Variants in PHLPP1 observed in about 807,000 individuals in gnomAD.
PHLPP1 encodes the protein PH domain leucine-rich repeat-containing protein phosphatase 1.
In PHLPP1, 42 loss-of-function variants were observed where a neutral mutation model predicts 117.2. The ratio of observed to expected loss-of-function variants is 0.36; its 90% confidence interval spans 0.28 to 0.46. The LOEUF (loss-of-function observed/expected upper bound fraction) is 0.46, where lower values mean the gene tolerates loss of function less well. Ranked by LOEUF, PHLPP1 falls within the 20% of genes least tolerant of loss-of-function variation. The pLI is 1.00. For missense variants in PHLPP1, 2,084 were observed against 2,241.9 expected (o/e 0.93, Z 1.42); for synonymous variants, 1,042 against 970.7 (o/e 1.07, Z -1.37).
intron 1 of PHLPP1, among the ~76,000 whole-genome samples, chr18:62,739,900 A>G (rs1334916687): frequency 6.6e-6 from 1 of 152,192 alleles, no homozygotes; most frequent in Non-Finnish European, 1.5e-5. Flanking sequence ...CCAAGTAATC[A>G]TAGTGTATAC....
chr18:62,730,059 G>C (rs1911185383), intron 1 of PHLPP1, among the ~76,000 whole-genome samples: 1 of 152,242 alleles, frequency 6.6e-6, no homozygotes, highest in South Asian at 2.1e-4. Context: ...CAGTGAGCAA[G>C]AGAGAGGCAG....
rs942513416 is a variant in PHLPP1, at chr18:62,952,751, T to C, written c.3325-5878T>C. Among the ~76,000 whole-genome samples, 8 of 152,202 alleles carry C rather than the reference T, an allele frequency of 5.3e-5. No individual in the cohort carries two copies. The East Asian group carries it at 1.5e-3, about 29-fold the overall frequency. ...ACAGGAAGCTCCCACCTCGGCTTCC[T>C]GAGTAGCTGAGACTCCAGGTGCTCA... On this transcript the variant is annotated intron_variant, in intron 12 of 16. Transcript: ENST00000262719.
At chr18:62,975,694 C>G (rs760648772) in intron 16 of PHLPP1, 69 bp downstream of exon 16, 14 of 1,004,934 alleles carry the variant, frequency 1.4e-5, no homozygotes, top group Non-Finnish European at 2.0e-5. Context: ...ATAGCAGAAA[C>G]TAGCTAGGGA....
chr18:62,870,409 C>T (rs549811187), intron 4 of PHLPP1, among the ~76,000 whole-genome samples: 5 of 152,226 alleles, frequency 3.3e-5, no homozygotes, highest in East Asian at 1.9e-4. Context: ...AAAGCATTAA[C>T]GTGGTTTTTA....
chr18:62,826,617 C>A (rs938257995), intron 1 of PHLPP1, among the ~76,000 whole-genome samples: 1 of 152,094 alleles, frequency 6.6e-6, no homozygotes, highest in African/African-American at 2.4e-5. Context: ...ATTAGATGCT[C>A]TTTTTTGCCC....
chr18:62,978,665 G>A lies in PHLPP1; in HGVS notation c.4388G>A (p.Gly1463Glu). Residue 1463 changes from glycine to glutamate, a missense_variant, in exon 17 of 17, where the codon GGG (glycine) becomes GAG (glutamate). Physicochemically the swap from Gly to Glu is moderately conservative, Grantham distance 98. Transcript: ENST00000262719. This position sits in a 1 kb window ranked among gnomAD's most constrained non-coding sequence, Gnocchi z 7.0. ...GTGATCAAGGATCGGCCCTCAGATG[G>A]GCTGGGCGTGCCGTCCTCCAGCAGC... Reference protein sequence around the residue: ...NMVIKDRPSDGLGVPSSSSGM... With the variant: ...NMVIKDRPSDELGVPSSSSGM... 2 of 1,613,852 alleles carry A rather than the reference G, an allele frequency of 1.2e-6. No individual in the cohort carries two copies. Among genetic ancestry groups the A allele is most frequent in the Non-Finnish European group, 8.5e-7 (1 of 1,179,858 alleles).
chr18:62,977,057 CCA>C, intron 16 of PHLPP1, among the ~76,000 whole-genome samples: 1 of 152,166 alleles, frequency 6.6e-6, no homozygotes, highest in African/African-American at 2.4e-5. Flanking sequence ...CTGCCAAATT[CCA>C]TGCTTTGGGG....
rs187726123 is a variant in PHLPP1 at position 62,889,898 on chromosome 18, A to C, written c.2067-5113A>C. Among the ~76,000 whole-genome samples, 143 of 152,320 alleles carry C rather than the reference A, an allele frequency of 9.4e-4. 1 individual carries two copies. Among genetic ancestry groups the C allele is most frequent in the Middle Eastern group, 6.8e-3 (2 of 294 alleles). ...TTCTTTTTTGTACTCAGTCTTTGAA[A>C]TCTACTCTATATTTTGTATTTCAAG... On this transcript the variant is annotated intron_variant, in intron 4 of 16. Coordinates refer to ENST00000262719, the MANE Select transcript of PHLPP1 (RefSeq NM_194449.4).
intron 13 of PHLPP1, among the ~76,000 whole-genome samples, chr18:62,962,923 A>C (rs17674179): frequency 0.048 from 7,302 of 152,314 alleles, 217 homozygotes; most frequent in Middle Eastern, 0.12. Flanking sequence ...TTTGGAGATG[A>C]ATATTGCAGA....
At chr18:62,852,133 G>C (rs1024189250) in intron 3 of PHLPP1, among the ~76,000 whole-genome samples, 2 of 152,118 alleles carry the variant, frequency 1.3e-5, no homozygotes. Flanking sequence ...TCCCGCCTCA[G>C]CCTCCCAAAG....
At chr18:62,968,472 T>G (rs1165547058) in intron 14 of PHLPP1, among the ~76,000 whole-genome samples, 2 of 151,938 alleles carry the variant, frequency 1.3e-5, no homozygotes, top group African/African-American at 4.8e-5. Context: ...ATTAGTCTGC[T>G]TTATCTAGTT....
intron 10 of PHLPP1, among the ~76,000 whole-genome samples, chr18:62,920,591 A>T (rs1419076297): frequency 6.6e-6 from 1 of 151,880 alleles, no homozygotes; most frequent in Non-Finnish European, 1.5e-5. Context: ...ACAGAGTCGC[A>T]CTCTGTCGCC....
At chr18:62,874,663 A>G (rs139848258) in intron 4 of PHLPP1, among the ~76,000 whole-genome samples, 47,336 of 115,638 alleles carry the variant, frequency 0.41, 8,020 homozygotes, top group Non-Finnish European at 0.51. Flanking sequence ...GCGCGCACAC[A>G]CACACACACA....
chr18:62,918,084 T>A (rs1296161617), intron 9 of PHLPP1, among the ~76,000 whole-genome samples: 1 of 151,426 alleles, frequency 6.6e-6, no homozygotes, highest in Non-Finnish European at 1.5e-5. Context: ...TGCACGCCTG[T>A]AGTCCCAGCT....
intron 15 of PHLPP1, among the ~76,000 whole-genome samples, chr18:62,973,693 A>C (rs1911115425): frequency 6.6e-6 from 1 of 152,132 alleles, no homozygotes; most frequent in Non-Finnish European, 1.5e-5. Flanking sequence ...TGCTACACTC[A>C]CCCCTGACTT....
At chr18:62,974,988 A>G (rs1029727160) in intron 15 of PHLPP1, among the ~76,000 whole-genome samples, 7 of 152,096 alleles carry the variant, frequency 4.6e-5, no homozygotes, top group Admixed American at 2.0e-4. Context: ...GGTTTTTTCA[A>G]TGTTCCTTTC....
chr18:62,727,391 T>C (rs2122054750), intron 1 of PHLPP1, among the ~76,000 whole-genome samples: 1 of 152,152 alleles, frequency 6.6e-6, no homozygotes, highest in African/African-American at 2.4e-5. Flanking sequence ...GGAGAATCAT[T>C]TGTGCTGAGG....
chr18:62,968,358 C>T (rs1270773129), intron 14 of PHLPP1, among the ~76,000 whole-genome samples: 2 of 151,902 alleles, frequency 1.3e-5, no homozygotes, highest in Non-Finnish European at 2.9e-5. Flanking sequence ...AAAGAATTCA[C>T]CAGTGAAGCC....
rs1372823904 is a variant in PHLPP1, at chr18:62,716,504, C to G, written c.821C>G (p.Pro274Arg). The change falls in exon 1 of 17, where the codon CCG becomes CGG. Residue 274 changes from proline to arginine, a missense_variant. Coordinates refer to ENST00000262719, the MANE Select transcript of PHLPP1 (RefSeq NM_194449.4). This position sits in a 1 kb window ranked among gnomAD's most constrained non-coding sequence, Gnocchi z 5.7. ...PPEAGPRLAP[P>R]EPRDSEVPPA... ...GAGGCCGGCCCCCGGCTGGCGCCCC[C>G]GGAGCCGCGGGACTCGGAGGTACCG... 4 of 1,201,336 alleles carry G rather than the reference C, an allele frequency of 3.3e-6. No homozygotes were observed. The highest frequency in any genetic ancestry group is 3.2e-5 in the African/African-American group (2 of 62,670). 74.4% of individuals were successfully genotyped at this position (1,201,336 alleles called of 1,614,324 possible).
Sources: gnomAD v4.1 joint callset for allele counts (sites outside exome capture counted in the v4.1 genomes callset) on GRCh38, gnomAD v4.1.1 for gene constraint, Gnocchi (gnomAD v3.1) non-coding constraint, MANE v1.5 for transcripts, NCBI Gene and HGNC (gene_info 2026-07-23, HGNC 2026-07-21) for gene names.